The following CABYR variants were observed in gnomAD, a reference collection of about 807,000 sequenced individuals.
CABYR encodes the protein calcium-binding tyrosine phosphorylation-regulated protein.
A neutral mutation model predicts 36.1 loss-of-function variants in CABYR; 31 were observed. The observed-to-expected ratio is 0.86, with a 90% CI of 0.64 to 1.16. The LOEUF (loss-of-function observed/expected upper bound fraction) is 1.16. Ranked by LOEUF, CABYR falls within the 50% of genes most tolerant of loss-of-function variation. The pLI, the probability that CABYR is intolerant of heterozygous loss-of-function variation, is 0.00. For synonymous variants in CABYR, 146 were observed against 160.7 expected (o/e 0.91, Z 0.69); for missense variants, 429 against 455.8 (o/e 0.94, Z 0.53).
chr18:24,156,837 G>A, intron 4 of CABYR: 1 of 1,614,164 alleles, frequency 6.2e-7, no homozygotes, highest in East Asian at 2.2e-5. Flanking sequence ...CCAGGAGATG[G>A]AAGGCAAACC....
intron 1 of CABYR, among the ~76,000 whole-genome samples, chr18:24,142,466 CAG>C (rs1481891109): frequency 2.0e-5 from 3 of 152,110 alleles, no homozygotes; most frequent in African/African-American, 7.2e-5. Context: ...TGTTTAGAAA[CAG>C]ATACATGAAA....
chr18:24,159,468 A>T lies in CABYR; in HGVS notation c.542-4A>T. The stretch of plus-strand genomic sequence containing the variant: ...TTTAATTCCTGCAAAATTTTTTTTT[A>T]TAGCAATGGCAACAAGTGAACGAGG... On this transcript the variant is annotated splice_polypyrimidine_tract_variant and splice_region_variant and intron_variant, in intron 4 of 5. Transcript: ENST00000399496. The T allele has an allele frequency of 3.7e-6, 6 of 1,600,618 alleles. No individual in the cohort carries two copies. The highest frequency in any genetic ancestry group is 3.6e-5 in the Admixed American group (2 of 56,208).
intron 1 of CABYR, 30 bp downstream of exon 1, chr18:24,139,148 C>G (rs879690424): frequency 1.3e-5 from 2 of 151,930 alleles, no homozygotes; most frequent in South Asian, 2.1e-4. Flanking sequence ...AAGGCGCACC[C>G]TGCGGCCTCG....
Position 24,159,776 on chromosome 18 carries a change from T to A in CABYR, c.846T>A (p.Val282=), listed in dbSNP as rs1244980442. Residue 282 remains valine, a synonymous_variant, in exon 5 of 6, where the codon GTT becomes GTA. Transcript: ENST00000399496. ...AACCTCTTCCTGGACATGCTGTCGT[T>A]TCACAGTCAGATGTCTTGAGATATG... ...GWKPLPGHAV[V]SQSDVLRYVA... is the part of the protein sequence containing the mutation. 6.2e-7 allele frequency: 1 copy of A among 1,614,096 alleles called. No individual in the cohort carries two copies. The highest frequency in any genetic ancestry group is 8.5e-7 in the Non-Finnish European group (1 of 1,180,016).
rs574676453 is a variant in CABYR at position 24,147,419 on chromosome 18, A to AT, written c.199+4007dup. Among the ~76,000 whole-genome samples, 437 of 152,312 alleles carry AT rather than the reference A, an allele frequency of 2.9e-3. 1 individual carries two copies. Among genetic ancestry groups the AT allele is most frequent in the African/African-American group, 0.01 (423 of 41,568 alleles). ...CCTCAAGATTGGGACCAGGACAAAG[A>AT]TCTCCAATGTTACGATTTCTATTTA... is the stretch of plus-strand genomic sequence containing the variant. On this transcript the variant is annotated intron_variant, in intron 3 of 5. Coordinates refer to ENST00000399496, the MANE Select transcript of CABYR (RefSeq NM_153769.3).
At chr18:24,147,528 T>C (rs1017462176) in intron 3 of CABYR, among the ~76,000 whole-genome samples, 4 of 152,178 alleles carry the variant, frequency 2.6e-5, no homozygotes, top group African/African-American at 7.2e-5. Context: ...AATAAAACTA[T>C]TCACAGATGA....
intron 4 of CABYR, among the ~76,000 whole-genome samples, chr18:24,159,008 G>C (rs10163571): frequency 0.044 from 6,733 of 152,160 alleles, 485 homozygotes; most frequent in African/African-American, 0.15. Context: ...CCTCTGAAGG[G>C]CCAGAGAGAT....
chr18:24,157,642 G>A (rs1264213174), intron 4 of CABYR, among the ~76,000 whole-genome samples: 1 of 150,396 alleles, frequency 6.6e-6, no homozygotes, highest in Non-Finnish European at 1.5e-5. Context: ...CACTTGAACA[G>A]CAATAGATGC....
intron 3 of CABYR, among the ~76,000 whole-genome samples, chr18:24,151,890 A>G (rs1477071354): frequency 6.6e-6 from 1 of 152,090 alleles, no homozygotes; most frequent in African/African-American, 2.4e-5. Flanking sequence ...GAATTTCACT[A>G]TGTTGGCTGG....
At chr18:24,148,168 A>G (rs1021623441) in intron 3 of CABYR, among the ~76,000 whole-genome samples, 2 of 152,180 alleles carry the variant, frequency 1.3e-5, no homozygotes, top group African/African-American at 4.8e-5. Context: ...GATACAATTT[A>G]TGGTAAGGGA....
At chr18:24,150,701 G>C in intron 3 of CABYR, 1 of 325,152 alleles carries the variant, frequency 3.1e-6, no homozygotes. Flanking sequence ...AAAAGATTAC[G>C]TACCATACAT....
rs1407156053 is a variant in CABYR at position 24,161,581 on chromosome 18, A to G, written c.*65A>G. On this transcript the variant is annotated 3_prime_UTR_variant, in exon 6 of 6. Coordinates refer to ENST00000399496, the MANE Select transcript of CABYR (RefSeq NM_153769.3). ...AGTCTGCCACCAGTGTAATGTATCAATAAACTTCATGCAAGCATACAATTT... is the reference window on the plus strand; with the variant it reads ...AGTCTGCCACCAGTGTAATGTATCAGTAAACTTCATGCAAGCATACAATTT... 6.4e-6 allele frequency: 5 copies of G among 775,668 alleles called. No individual in the cohort carries two copies. Among genetic ancestry groups the G allele is most frequent in the Non-Finnish European group, 1.2e-5 (5 of 416,306 alleles). The allele number at this position is 775,668 out of a possible 1,614,324, so 48.0% of individuals were successfully genotyped here.
Position 24,150,791 on chromosome 18 carries a change from T to TTTTTTGTTTTTTGTTTTTTG in CABYR, c.200-4905_200-4904insGTTTTTTGTTTTTTGTTTTT, listed in dbSNP as rs1568460979. Among the ~76,000 whole-genome samples, 331 of 147,978 alleles carry TTTTTTGTTTTTTGTTTTTTG rather than the reference T, an allele frequency of 2.2e-3. 3 individuals carry two copies. The highest frequency in any genetic ancestry group is 8.4e-3 in the African/African-American group (325 of 38,692). On this transcript the variant is annotated intron_variant, in intron 3 of 5. Coordinates refer to ENST00000399496, the MANE Select transcript of CABYR (RefSeq NM_153769.3). The stretch of plus-strand genomic sequence containing the variant: ...TTGTTTTTTTGTTTTTTGTTTTTTT[T>TTTTTTGTTTTTTGTTTTTTG]TTTTTTTGAGACGGAGTCTCACTCT...
intron 1 of CABYR, among the ~76,000 whole-genome samples, chr18:24,142,257 T>G (rs2085342213): frequency 6.6e-6 from 1 of 151,822 alleles, no homozygotes; most frequent in Non-Finnish European, 1.5e-5. Context: ...AAGGGGAGGT[T>G]GCAGTTAGCT....
intron 3 of CABYR, among the ~76,000 whole-genome samples, chr18:24,147,610 T>TA (rs2085492510): frequency 6.6e-6 from 1 of 152,022 alleles, no homozygotes; most frequent in Non-Finnish European, 1.5e-5. Context: ...GAGGAGAGGG[T>TA]ATATGGGACA....
intron 3 of CABYR, among the ~76,000 whole-genome samples, chr18:24,152,465 G>T (rs2085666383): frequency 6.6e-6 from 1 of 152,170 alleles, no homozygotes; most frequent in South Asian, 2.1e-4. Context: ...TGAGAAAGTT[G>T]CAGGGAAGAA....
intron 3 of CABYR, among the ~76,000 whole-genome samples, chr18:24,149,518 G>A (rs971675536): frequency 1.3e-5 from 2 of 152,246 alleles, no homozygotes; most frequent in Non-Finnish European, 2.9e-5. Flanking sequence ...GGGACTGCAG[G>A]TGGAGCTGCC....
At chr18:24,152,096 C>T (rs1459815285) in intron 3 of CABYR, among the ~76,000 whole-genome samples, 1 of 152,172 alleles carries the variant, frequency 6.6e-6, no homozygotes, top group East Asian at 1.9e-4. Context: ...AAAGAAAAAA[C>T]ATCCTGTATT....
chr18:24,154,102 CA>C (rs33985751), intron 3 of CABYR, among the ~76,000 whole-genome samples: 848 of 57,328 alleles, frequency 0.015, 8 homozygotes, highest in African/African-American at 0.053. Flanking sequence ...GACTCCATCT[CA>C]AAAAAAAAAA....
Sources: allele counts gnomAD v4.1 joint callset (sites outside exome capture counted in the v4.1 genomes callset), GRCh38; gene constraint gnomAD v4.1.1; transcripts MANE v1.5; gene names NCBI Gene and HGNC (gene_info 2026-07-23, HGNC 2026-07-21).